CTBP1: variants seen among roughly 807,000 people sequenced by gnomAD.
CTBP1 encodes C-terminal-binding protein 1.
In CTBP1, 11 loss-of-function variants were observed where a neutral mutation model predicts 42.1. The observed-to-expected ratio is 0.26, with a 90% CI of 0.16 to 0.43. CTBP1 has a LOEUF of 0.43. CTBP1 is among the 20% of genes least tolerant of loss of function. CTBP1 has a pLI of 1.00. For missense variants in CTBP1, 399 were observed against 624.3 expected (o/e 0.64, Z 3.85); for synonymous variants, 324 against 277.1 (o/e 1.17, Z -1.68).
chr4:1,225,296 C>T, intron 5 of CTBP1, 64 bp downstream of exon 5: 14 of 1,493,018 alleles, frequency 9.4e-6, no homozygotes, highest in Non-Finnish European at 1.2e-5. Context: ...CTCCTGGGCA[C>T]AGCTGAAGAG....
intron 1 of CTBP1, chr4:1,245,200 T>A (rs1732592595): frequency 1.0e-6 from 1 of 985,216 alleles, no homozygotes; most frequent in Admixed American, 6.1e-5. Flanking sequence ...GCCACCGCAC[T>A]CCACGGGGCC....
rs759444828 is a variant in CTBP1, at chr4:1,248,894, ACGCG to A, written c.-189+18_-189+21del. On this transcript the variant is annotated intron_variant, in intron 1 of 9. Transcript: ENST00000382952. ...GCCCCGCCCCCGCCCGCGGCCGGAA[ACGCG>A]CGCGCGCGCGGCCTTACCAAGCGGC... 7.7e-6 allele frequency: 7 copies of A among 907,768 alleles called. No individual in the cohort carries two copies. In the South Asian group the frequency reaches 1.4e-4, roughly 18 times the overall value. The allele number at this position is 907,768 out of a possible 1,614,324, so 56.2% of individuals were successfully genotyped here. A position where few individuals can be genotyped will look rare whatever the true frequency, so the allele number is the denominator to read the frequency against.
chr4:1,227,396 CTG>C (rs1293399800), intron 4 of CTBP1, among the ~76,000 whole-genome samples: 10 of 133,196 alleles, frequency 7.5e-5, no homozygotes, highest in African/African-American at 2.6e-4. Flanking sequence ...TGTGCGTGTT[CTG>C]TGTGTGTTCT....
At position 1,213,604 on chromosome 4, in the gene CTBP1, A is replaced by C; in HGVS notation, c.862T>G (p.Phe288Val). The part of the protein sequence containing the change: ...LDVHESEPFS[F>V]SQGPLKDAPN... ...GCATCCTTCAGAGGGCCCTGGCTAA[A>C]GCTGGGAACAGCACAGGCATGGTCA... is the stretch of plus-strand genomic sequence containing the variant. The change falls in exon 8 of 10, where the codon TTT becomes GTT. Residue 288 changes from phenylalanine to valine, a missense_variant and splice_region_variant. Phe to Val is a conservative substitution (Grantham distance 50). Coordinates refer to ENST00000382952, the MANE Select transcript of CTBP1 (RefSeq NM_001012614.2). The C allele has an allele frequency of 6.2e-7, 1 of 1,612,806 alleles. No individual in the cohort carries two copies. The highest frequency in any genetic ancestry group is 8.5e-7 in the Non-Finnish European group (1 of 1,179,854).
At chr4:1,222,567 G>C (rs975587668) in intron 5 of CTBP1, among the ~76,000 whole-genome samples, 4 of 152,118 alleles carry the variant, frequency 2.6e-5, no homozygotes, top group African/African-American at 9.7e-5. Flanking sequence ...AGGACGCCGG[G>C]GTCCCCGCAC....
intron 5 of CTBP1, among the ~76,000 whole-genome samples, 168 bp downstream of exon 5, chr4:1,225,192 C>T (rs1435971808): frequency 6.6e-6 from 1 of 152,332 alleles, no homozygotes; most frequent in African/African-American, 2.4e-5. Flanking sequence ...GGGCACACGC[C>T]TGGGACTCCC....
intron 3 of CTBP1, among the ~76,000 whole-genome samples, chr4:1,231,909 G>A (rs59780026): frequency 0.016 from 2,383 of 152,338 alleles, 77 homozygotes; most frequent in African/African-American, 0.054. Flanking sequence ...GGTTACCGGC[G>A]GTGCCTGCTG....
chr4:1,247,862 T>C (rs1376480181), intron 1 of CTBP1, among the ~76,000 whole-genome samples: 1 of 151,300 alleles, frequency 6.6e-6, no homozygotes, highest in Non-Finnish European at 1.5e-5. Context: ...GGGTTTCACC[T>C]CCCCACTCAG....
At chr4:1,215,733 G>A (rs563220557) in intron 6 of CTBP1, 4 of 539,848 alleles carry the variant, frequency 7.4e-6, no homozygotes, top group East Asian at 3.2e-5. Flanking sequence ...AAGGGCTTCA[G>A]GGGAATTTGG....
chr4:1,221,780 C>A, intron 5 of CTBP1: 1 of 439,838 alleles, frequency 2.3e-6, no homozygotes, highest in Non-Finnish European at 4.6e-6. Context: ...CAGGAGCCTG[C>A]TCTGTCAACG....
chr4:1,220,880 C>G (rs751792045), intron 5 of CTBP1, among the ~76,000 whole-genome samples: 13 of 152,242 alleles, frequency 8.5e-5, no homozygotes, highest in Admixed American at 2.6e-4. Flanking sequence ...GAAGAAAACA[C>G]AGAGAACCTG....
upstream of CTBP1, chr4:1,249,806 T>G: frequency 4.1e-6 from 1 of 244,050 alleles, no homozygotes; most frequent in South Asian, 3.0e-5. Flanking sequence ...CATTTCTCTT[T>G]TAACAAGAGT....
chr4:1,247,656 A>G (rs1316000313), intron 1 of CTBP1, among the ~76,000 whole-genome samples: 1 of 151,232 alleles, frequency 6.6e-6, no homozygotes, highest in African/African-American at 2.4e-5. Flanking sequence ...GCCACGCGCT[A>G]GGAGCTCAGC....
intron 1 of CTBP1, among the ~76,000 whole-genome samples, chr4:1,248,135 T>C (rs948992714): frequency 6.6e-5 from 10 of 151,986 alleles, no homozygotes; most frequent in Admixed American, 6.5e-4. Flanking sequence ...AAGATGGCGA[T>C]GGTGGCAAGC....
At position 1,212,186 on chromosome 4, in the gene CTBP1, C is replaced by T. The variant is rs1418830378; in HGVS notation, c.*54G>A. The T allele has an allele frequency of 6.6e-5, 90 of 1,365,394 alleles. No individual in the cohort carries two copies. Among genetic ancestry groups the T allele is most frequent in the South Asian group, 4.7e-4 (29 of 61,622 alleles). 84.6% of individuals were successfully genotyped at this position (1,365,394 alleles called of 1,614,324 possible). A position where few individuals can be genotyped will look rare whatever the true frequency, so the allele number is the denominator to read the frequency against. Reference sequence around the variant, plus strand: ...GATGCCTCCTCCACACACTCTGGTCCGAGGGTTTCCGGGCCCTCTGCCCAG... The same window carrying T: ...GATGCCTCCTCCACACACTCTGGTCTGAGGGTTTCCGGGCCCTCTGCCCAG... On this transcript the variant is annotated 3_prime_UTR_variant, in exon 10 of 10. Coordinates refer to ENST00000382952, the MANE Select transcript of CTBP1 (RefSeq NM_001012614.2).
rs3775099 is a variant in CTBP1, at chr4:1,238,722, C to G, written c.8-385G>C. The stretch of plus-strand genomic sequence containing the variant: ...ATCTCCAGACCCTCTGAGAACCTCC[C>G]AGACCCTCTGAGACTCCCCAAGACA... On this transcript the variant is annotated intron_variant, in intron 2 of 9. Coordinates refer to ENST00000382952, the MANE Select transcript of CTBP1 (RefSeq NM_001012614.2). This position sits in a 1 kb window ranked among gnomAD's most constrained non-coding sequence, Gnocchi z 5.9. Among the ~76,000 whole-genome samples, 48,138 of 149,578 alleles carry G rather than the reference C, an allele frequency of 0.32. 9,101 individuals carry two copies. Among genetic ancestry groups the G allele is most frequent in the Non-Finnish European group, 0.42 (28,314 of 67,130 alleles).
Position 1,216,065 on chromosome 4 carries a change from T to C in CTBP1, c.655A>G (p.Ser219Gly), listed in dbSNP as rs1227458533. The C allele has an allele frequency of 6.2e-7, 1 of 1,611,686 alleles. No homozygotes were observed. Residue 219 changes from serine (S) to glycine (G), a missense_variant, in exon 6 of 10, where the codon AGC becomes GGC. By Grantham distance (56) the Ser-to-Gly change is moderately conservative. This residue lies in a region of CTBP1 where 309 missense variants were observed against 497.5 expected (regional missense o/e 0.62). Coordinates refer to ENST00000382952, the MANE Select transcript of CTBP1 (RefSeq NM_001012614.2). ...VSTLQDLLFH[S>G]DCVTLHCGLN... ...CCGCAGTGCAGGGTCACGCAGTCGC[T>C]GTGGAAGAGCAGGTCCTGCAGGGTG...
At chr4:1,230,023 G>C (rs1366834053) in intron 3 of CTBP1, among the ~76,000 whole-genome samples, 2 of 152,302 alleles carry the variant, frequency 1.3e-5, no homozygotes, top group South Asian at 2.1e-4. Flanking sequence ...CAGAGGAACA[G>C]GTGTGTGTAA....
At chr4:1,222,179 G>A (rs2108738909) in intron 5 of CTBP1, among the ~76,000 whole-genome samples, 1 of 152,312 alleles carries the variant, frequency 6.6e-6, no homozygotes, top group East Asian at 1.9e-4. Flanking sequence ...ACAGAGGGTG[G>A]GATGGGGCTC....
Sources: gnomAD v4.1 joint callset for allele counts (sites outside exome capture counted in the v4.1 genomes callset) on GRCh38, gnomAD v4.1.1 for gene constraint, gnomAD v4.1.1 regional missense constraint, Gnocchi (gnomAD v3.1) non-coding constraint, MANE v1.5 for transcripts, NCBI Gene and HGNC (gene_info 2026-07-23, HGNC 2026-07-21) for gene names.